Variants in NEDD4L observed in about 807,000 individuals in gnomAD.
NEDD4L encodes E3 ubiquitin-protein ligase NEDD4-like.
In NEDD4L, 54 loss-of-function variants were observed where a neutral mutation model predicts 148.9. That is an observed-to-expected ratio of 0.36 (90% CI 0.29 to 0.45). The LOEUF (loss-of-function observed/expected upper bound fraction) is 0.45, where lower values mean the gene tolerates loss of function less well. NEDD4L is among the 20% of genes least tolerant of loss of function. The probability of loss-of-function intolerance (pLI) is 1.00; values close to 1 mark genes in which losing one functional copy is unlikely to be tolerated. For synonymous variants in NEDD4L, 433 were observed against 440.7 expected, an observed-to-expected ratio of 0.98 and a Z score of 0.22; for missense variants, 856 against 1,233.8, an observed-to-expected ratio of 0.69 and a Z score of 4.59.
chr18:58,180,472 G>A (rs568661416), intron 2 of NEDD4L, among the ~76,000 whole-genome samples: 53 of 152,312 alleles, frequency 3.5e-4, no homozygotes, highest in Admixed American at 9.1e-4. Context: ...GCCCAGGGGC[G>A]TTGAGCTGAG....
At chr18:58,226,095 G>T (rs992053376) in intron 2 of NEDD4L, among the ~76,000 whole-genome samples, 2 of 152,152 alleles carry the variant, frequency 1.3e-5, no homozygotes, top group Admixed American at 6.5e-5. Flanking sequence ...AGAAGGGTAA[G>T]TGGCCATTGA....
chr18:58,064,675 A>G (rs771993053), intron 1 of NEDD4L, among the ~76,000 whole-genome samples: 2 of 152,220 alleles, frequency 1.3e-5, no homozygotes, highest in Non-Finnish European at 2.9e-5. Context: ...ACAAGGGCCG[A>G]TTGAAGCCCC....
intron 1 of NEDD4L, among the ~76,000 whole-genome samples, chr18:58,094,374 A>T: frequency 6.6e-6 from 1 of 151,438 alleles, no homozygotes; most frequent in East Asian, 1.9e-4. Flanking sequence ...TTTTATAGAG[A>T]CGGGATTTCT....
At chr18:58,391,701 T>C in intron 30 of NEDD4L, 142 bp downstream of exon 30, 1 of 656,638 alleles carries the variant, frequency 1.5e-6, no homozygotes, top group Non-Finnish European at 2.7e-6. Flanking sequence ...TGGATGAAAA[T>C]AGAAATTGTA....
intron 2 of NEDD4L, among the ~76,000 whole-genome samples, chr18:58,219,860 G>C (rs908272767): frequency 5.9e-5 from 9 of 151,840 alleles, no homozygotes; most frequent in Non-Finnish European, 1.0e-4. Context: ...ATCTTTAAGG[G>C]AATAGGCAAA....
chr18:58,249,287 A>T (rs1287420980), intron 4 of NEDD4L, among the ~76,000 whole-genome samples: 1 of 152,216 alleles, frequency 6.6e-6, no homozygotes, highest in Non-Finnish European at 1.5e-5. Context: ...AGAGAGTAAA[A>T]CAGTAGAGGC....
chr18:58,294,326 G>T (rs906073942), intron 5 of NEDD4L, among the ~76,000 whole-genome samples: 1 of 152,140 alleles, frequency 6.6e-6, no homozygotes, highest in African/African-American at 2.4e-5. Flanking sequence ...GACTAATTTT[G>T]GTATCCATGT....
At chr18:58,067,527 G>A (rs757038882) in intron 1 of NEDD4L, among the ~76,000 whole-genome samples, 15 of 152,168 alleles carry the variant, frequency 9.9e-5, no homozygotes, top group Non-Finnish European at 1.6e-4. Context: ...GGTGGTGTGG[G>A]GGGCCTGCGA....
chr18:58,364,984 A>G (rs1222917126), intron 20 of NEDD4L, among the ~76,000 whole-genome samples: 1 of 152,000 alleles, frequency 6.6e-6, no homozygotes, highest in African/African-American at 2.4e-5. Flanking sequence ...TTTCTCTTCA[A>G]TTTTCTCCAT....
At chr18:58,060,410 G>A (rs4600541) in intron 1 of NEDD4L, among the ~76,000 whole-genome samples, 1,991 of 152,086 alleles carry the variant, frequency 0.013, 46 homozygotes, top group African/African-American at 0.046. Context: ...CGTTGGGCCC[G>A]GCAATCTGGG....
intron 1 of NEDD4L, among the ~76,000 whole-genome samples, chr18:58,122,048 G>GC (rs1309272813): frequency 6.6e-6 from 1 of 152,250 alleles, no homozygotes; most frequent in Non-Finnish European, 1.5e-5. Flanking sequence ...TAAAATCAGT[G>GC]CCTGGGAGTT....
intron 5 of NEDD4L, among the ~76,000 whole-genome samples, chr18:58,265,631 G>A (rs2050109706): frequency 6.6e-6 from 1 of 151,954 alleles, no homozygotes; most frequent in Admixed American, 6.6e-5. Context: ...GTGGCGTTAA[G>A]ATGGCTCACT....
Position 58,323,460 on chromosome 18 carries a change from G to T in NEDD4L, c.513+126G>T, listed in dbSNP as rs570049723. On this transcript the variant is annotated intron_variant, in intron 8 of 30. Coordinates refer to ENST00000400345, the MANE Select transcript of NEDD4L (RefSeq NM_001144967.3). ...AATATAAAAAAAAGTACATATGTCC[G>T]CAAATTGGTCATTGATAGTCTACCA... 3.4e-5 allele frequency: 21 copies of T among 609,160 alleles called. No homozygotes were observed. The East Asian group carries it at 4.1e-4, about 12-fold the overall frequency. 37.7% of individuals were successfully genotyped at this position (609,160 alleles called of 1,614,324 possible). A position where few individuals can be genotyped will look rare whatever the true frequency, so the allele number is the denominator to read the frequency against.
intron 2 of NEDD4L, among the ~76,000 whole-genome samples, chr18:58,204,416 AC>A (rs373459826): frequency 2.5e-4 from 38 of 152,336 alleles, no homozygotes; most frequent in Admixed American, 9.1e-4. Context: ...ATGGTGATTT[AC>A]TTATTCACAA....
At chr18:58,143,952 G>A (rs1480986774) in intron 1 of NEDD4L, among the ~76,000 whole-genome samples, 1 of 152,130 alleles carries the variant, frequency 6.6e-6, no homozygotes, top group African/African-American at 2.4e-5. Flanking sequence ...GTATTATTAA[G>A]TCATAGGTTT....
intron 1 of NEDD4L, among the ~76,000 whole-genome samples, chr18:58,074,742 A>G (rs778415488): frequency 1.3e-5 from 2 of 152,192 alleles, no homozygotes; most frequent in Non-Finnish European, 2.9e-5. Flanking sequence ...AATAAAACAG[A>G]TTCTTGTCTC....
chr18:58,210,162 G>A (rs567908211), intron 2 of NEDD4L, among the ~76,000 whole-genome samples: 12 of 152,090 alleles, frequency 7.9e-5, no homozygotes, highest in Non-Finnish European at 1.3e-4. Flanking sequence ...GCGACACTTC[G>A]TCTCAACATC....
intron 2 of NEDD4L, among the ~76,000 whole-genome samples, chr18:58,181,438 C>T (rs971716572): frequency 3.3e-5 from 5 of 152,134 alleles, no homozygotes; most frequent in African/African-American, 9.7e-5. Context: ...TGTCTATCTA[C>T]GGATTAATTA....
At chr18:58,164,026 A>C (rs2036543869) in intron 1 of NEDD4L, among the ~76,000 whole-genome samples, 1 of 149,012 alleles carries the variant, frequency 6.7e-6, no homozygotes, top group South Asian at 2.1e-4. Context: ...TGGGGACTCC[A>C]TCCTGAGCCT....
Sources: allele counts gnomAD v4.1 joint callset (sites outside exome capture counted in the v4.1 genomes callset), GRCh38; gene constraint gnomAD v4.1.1; transcripts MANE v1.5; gene names NCBI Gene and HGNC (gene_info 2026-07-23, HGNC 2026-07-21).